The following ROBO2 variants were observed in gnomAD, a reference collection of about 807,000 sequenced individuals.
The protein encoded by ROBO2 is roundabout homolog 2.
A neutral mutation model predicts 160.8 loss-of-function variants in ROBO2; 53 were observed. The ratio of observed to expected loss-of-function variants is 0.33; its 90% confidence interval spans 0.26 to 0.41. The LOEUF (loss-of-function observed/expected upper bound fraction) is 0.41. Ranked by LOEUF, ROBO2 falls within the 10% of genes least tolerant of loss-of-function variation. The pLI is 1.00. For synonymous variants in ROBO2, 664 were observed against 611.7 expected, an observed-to-expected ratio of 1.09 and a Z score of -1.26; for missense variants, 1,577 against 1,722.4, an observed-to-expected ratio of 0.92 and a Z score of 1.49.
intron 2 of ROBO2, among the ~76,000 whole-genome samples, chr3:76,387,880 A>G (rs959152127): frequency 6.6e-6 from 1 of 152,178 alleles, no homozygotes; most frequent in African/African-American, 2.4e-5. Flanking sequence ...TCTTCCAATG[A>G]ATTATGGGTT....
At chr3:77,298,813 T>C (rs530157578) in intron 2 of ROBO2, among the ~76,000 whole-genome samples, 1 of 152,306 alleles carries the variant, frequency 6.6e-6, no homozygotes, top group African/African-American at 2.4e-5. Flanking sequence ...CACTGTAGAA[T>C]AGATAAAGCA....
intron 2 of ROBO2, among the ~76,000 whole-genome samples, chr3:76,203,482 CA>C (rs1702640952): frequency 1.4e-5 from 2 of 148,076 alleles, no homozygotes; most frequent in African/African-American, 2.5e-5. Context: ...CCCTGGTCAA[CA>C]GATCACAGGT....
At chr3:76,963,238 G>A (rs1350721923) in intron 2 of ROBO2, among the ~76,000 whole-genome samples, 1 of 151,840 alleles carries the variant, frequency 6.6e-6, no homozygotes, top group East Asian at 1.9e-4. Context: ...ATATGACCAT[G>A]GTTATTAGGA....
At chr3:77,089,314 A>G (rs1469479463) in intron 1 of ROBO2, among the ~76,000 whole-genome samples, 2 of 152,168 alleles carry the variant, frequency 1.3e-5, no homozygotes, top group East Asian at 3.9e-4. Context: ...CATCTATAAA[A>G]TAAGGGTTTG....
At chr3:75,990,639 A>T (rs958742719) in intron 2 of ROBO2, among the ~76,000 whole-genome samples, 5 of 152,236 alleles carry the variant, frequency 3.3e-5, no homozygotes, top group Non-Finnish European at 7.3e-5. Flanking sequence ...CTTAAAGAAT[A>T]ACACTCAGCT....
At chr3:77,121,368 T>C (rs1385326675) in intron 2 of ROBO2, among the ~76,000 whole-genome samples, 1 of 152,210 alleles carries the variant, frequency 6.6e-6, no homozygotes, top group African/African-American at 2.4e-5. Context: ...ATGTAAGTCC[T>C]TCATTGGTTG....
chr3:76,446,212 G>T (rs1490261461), intron 2 of ROBO2, among the ~76,000 whole-genome samples: 1 of 152,130 alleles, frequency 6.6e-6, no homozygotes, highest in African/African-American at 2.4e-5. Context: ...CAAAATCAAT[G>T]TGCAAAAATC....
intron 2 of ROBO2, among the ~76,000 whole-genome samples, chr3:77,440,281 G>A (rs2079778301): frequency 6.6e-6 from 1 of 152,042 alleles, no homozygotes; most frequent in Non-Finnish European, 1.5e-5. Flanking sequence ...TTGAATCCAG[G>A]CTTTGTCCCT....
intron 19 of ROBO2, among the ~76,000 whole-genome samples, chr3:77,598,046 A>C (rs2094346718): frequency 6.6e-6 from 1 of 152,162 alleles, no homozygotes; most frequent in Admixed American, 6.5e-5. Flanking sequence ...GTGATTAATT[A>C]GAATAGTGCT....
At chr3:77,215,186 G>T (rs922680425) in intron 2 of ROBO2, among the ~76,000 whole-genome samples, 1 of 152,270 alleles carries the variant, frequency 6.6e-6, no homozygotes, top group Admixed American at 6.5e-5. Context: ...TTCCAACTTG[G>T]TTCCATTCTC....
intron 2 of ROBO2, among the ~76,000 whole-genome samples, chr3:77,240,392 G>T (rs779733186): frequency 1.3e-5 from 2 of 152,112 alleles, no homozygotes; most frequent in Admixed American, 6.5e-5. Context: ...TGGGCCCGCC[G>T]AGCCCACGCC....
At chr3:76,402,176 T>G (rs6804382) in intron 2 of ROBO2, among the ~76,000 whole-genome samples, 28,251 of 151,482 alleles carry the variant, frequency 0.19, 3,115 homozygotes, top group African/African-American at 0.3. Context: ...GCCTAAAATT[T>G]TCAAGTGGAT....
chr3:77,476,768 A>G (rs2084058502), intron 2 of ROBO2, among the ~76,000 whole-genome samples: 1 of 152,130 alleles, frequency 6.6e-6, no homozygotes, highest in South Asian at 2.1e-4. Context: ...TCAGACAGGC[A>G]AAACTGCTAT....
chr3:76,432,970 C>T lies in ROBO2; in HGVS notation c.109+495368C>T, dbSNP rs79042066. Among the ~76,000 whole-genome samples, 858 of 152,140 alleles carry T rather than the reference C, an allele frequency of 5.6e-3. 8 individuals are homozygous for T. Among genetic ancestry groups the T allele is most frequent in the Non-Finnish European group, 9.8e-3 (667 of 67,990 alleles). ...AGACTCACTCACTCCAGAATCTTAG[C>T]GATCATTTGTTCACATTGGACAAAC... On this transcript the variant is annotated intron_variant, in intron 2 of 26. Coordinates refer to the ROBO2 transcript ENST00000487694.
exon 25 of ROBO2, chr3:77,644,867 G>A (rs2095396110): frequency 6.2e-7 from 1 of 1,613,894 alleles, no homozygotes; most frequent in Non-Finnish European, 8.5e-7. Flanking sequence ...TAGGATATAT[G>A]GGCTCCAACA....
chr3:76,278,996 A>G (rs1708086663), intron 2 of ROBO2, among the ~76,000 whole-genome samples: 1 of 151,958 alleles, frequency 6.6e-6, no homozygotes, highest in Non-Finnish European at 1.5e-5. Context: ...GATGCAGAAA[A>G]GTTCCTCCTT....
intron 2 of ROBO2, among the ~76,000 whole-genome samples, chr3:76,269,847 A>T (rs1043293712): frequency 6.6e-6 from 1 of 152,038 alleles, no homozygotes; most frequent in Admixed American, 6.6e-5. Flanking sequence ...TTGACATGGA[A>T]CATTAACATA....
At chr3:76,056,370 A>C (rs2067845801) in intron 2 of ROBO2, among the ~76,000 whole-genome samples, 1 of 152,212 alleles carries the variant, frequency 6.6e-6, no homozygotes, top group Non-Finnish European at 1.5e-5. Context: ...ATATAGTTCT[A>C]ATACTAACCC....
intron 2 of ROBO2, among the ~76,000 whole-genome samples, chr3:77,444,621 T>C (rs549041068): frequency 2.6e-5 from 4 of 152,264 alleles, no homozygotes; most frequent in South Asian, 4.1e-4. Flanking sequence ...ATTGGAATTA[T>C]TGATTTAGCA....
Sources: gnomAD v4.1 joint callset for allele counts (sites outside exome capture counted in the v4.1 genomes callset) on GRCh38, gnomAD v4.1.1 for gene constraint, MANE v1.5 for transcripts, NCBI Gene and HGNC (gene_info 2026-07-23, HGNC 2026-07-21) for gene names.